Variants in MPRIP observed in about 807,000 individuals in gnomAD.
The protein encoded by MPRIP is myosin phosphatase Rho-interacting protein.
Under a neutral mutation model 234.9 loss-of-function variants are expected in MPRIP, and 59 were observed. The observed-to-expected ratio is 0.25, with a 90% CI of 0.20 to 0.31. The LOEUF (loss-of-function observed/expected upper bound fraction) is 0.31. MPRIP is among the 10% of genes least tolerant of loss of function. The pLI is 1.00. For synonymous variants in MPRIP, 1,144 were observed against 1,263.9 expected, an observed-to-expected ratio of 0.91 and a Z score of 2.01; for missense variants, 2,436 against 3,071.0, an observed-to-expected ratio of 0.79 and a Z score of 4.89.
chr17:17,050,542 T>C (rs1018960222), intron 1 of MPRIP, among the ~76,000 whole-genome samples: 1 of 152,172 alleles, frequency 6.6e-6, no homozygotes, highest in Non-Finnish European at 1.5e-5. Flanking sequence ...CAGGTGGTGG[T>C]GAGTTTCCTC....
chr17:17,066,069 CA>C (rs1366705827), intron 1 of MPRIP, among the ~76,000 whole-genome samples: 1 of 152,192 alleles, frequency 6.6e-6, no homozygotes, highest in Non-Finnish European at 1.5e-5. Flanking sequence ...TCTATACAGA[CA>C]GCTATGTCAT....
chr17:17,059,216 A>G (rs899884897), intron 1 of MPRIP, among the ~76,000 whole-genome samples: 4 of 152,270 alleles, frequency 2.6e-5, no homozygotes, highest in African/African-American at 7.2e-5. Flanking sequence ...ACGGTCTGCC[A>G]TAATGAAAGA....
chr17:17,126,935 G>T, intron 4 of MPRIP, 82 bp downstream of exon 4: 1 of 1,522,446 alleles, frequency 6.6e-7, no homozygotes, highest in African/African-American at 1.4e-5. Context: ...CCCTGTGGCA[G>T]TGTCGATGTT....
At position 17,138,692 on chromosome 17, in the gene MPRIP, T is replaced by C. The variant is rs1474422699; in HGVS notation, c.1250+263T>C. On this transcript the variant is annotated intron_variant, in intron 7 of 23. Coordinates refer to ENST00000651222, the MANE Select transcript of MPRIP (RefSeq NM_001364716.4). This position sits in a 1 kb window ranked among gnomAD's most constrained non-coding sequence, Gnocchi z 5.8. ...ATCAGTGCCTCCTAGGACTGGGACC[T>C]TAAGGTTCCCTGATGGGTTCTCAGC... is the stretch of plus-strand genomic sequence containing the variant. 2.0e-5 allele frequency among the ~76,000 whole-genome samples: 3 copies of C among 152,206 alleles called. No individual in the cohort carries two copies.
At chr17:17,112,719 G>T (rs1270183439) in intron 3 of MPRIP, among the ~76,000 whole-genome samples, 1 of 152,248 alleles carries the variant, frequency 6.6e-6, no homozygotes, top group Non-Finnish European at 1.5e-5. Flanking sequence ...TGAGGACAGG[G>T]CTGCAACTGG....
intron 1 of MPRIP, among the ~76,000 whole-genome samples, chr17:17,044,005 C>G (rs2088266107): frequency 6.6e-6 from 1 of 152,148 alleles, no homozygotes; most frequent in Admixed American, 6.5e-5. Flanking sequence ...AGTGAACGGG[C>G]CTGGTTGTTT....
intron 21 of MPRIP, among the ~76,000 whole-genome samples, chr17:17,177,036 C>G (rs1348612644): frequency 6.6e-6 from 1 of 152,218 alleles, no homozygotes; most frequent in African/African-American, 2.4e-5. Flanking sequence ...TGGAGATTAT[C>G]CTGCCATGTC....
chr17:17,185,361 T>A lies in MPRIP; in HGVS notation c.*467T>A. ...GCTTGGCCTGGGTCACAGCACTGACTCCTCACCCGCTAGTCTGGCTGTTAA... is the reference window on the plus strand; with the variant it reads ...GCTTGGCCTGGGTCACAGCACTGACACCTCACCCGCTAGTCTGGCTGTTAA... On this transcript the variant is annotated 3_prime_UTR_variant, in exon 24 of 24. Coordinates refer to ENST00000651222, the MANE Select transcript of MPRIP (RefSeq NM_001364716.4). 1 of 387,800 alleles carries A rather than the reference T, an allele frequency of 2.6e-6. No homozygotes were observed. Among genetic ancestry groups the A allele is most frequent in the Non-Finnish European group, 5.2e-6 (1 of 193,896 alleles). 24.0% of individuals were successfully genotyped at this position (387,800 alleles called of 1,614,324 possible). A position where few individuals can be genotyped will look rare whatever the true frequency, so the allele number is the denominator to read the frequency against.
chr17:17,049,876 C>T (rs1476897775), intron 1 of MPRIP, among the ~76,000 whole-genome samples: 1 of 152,198 alleles, frequency 6.6e-6, no homozygotes, highest in African/African-American at 2.4e-5. Flanking sequence ...TTTAAATTTT[C>T]CAGCGGCTAC....
At chr17:17,122,889 A>C (rs1367825897) in intron 3 of MPRIP, among the ~76,000 whole-genome samples, 1 of 152,152 alleles carries the variant, frequency 6.6e-6, no homozygotes, top group Non-Finnish European at 1.5e-5. Context: ...CACCCAAGAG[A>C]AATGAGAGCA....
intron 1 of MPRIP, among the ~76,000 whole-genome samples, chr17:17,061,867 CTGCTT>C (rs2088877442): frequency 6.6e-6 from 1 of 152,144 alleles, no homozygotes; most frequent in Admixed American, 6.5e-5. Flanking sequence ...CCCGTGAACA[CTGCTT>C]TGGTTTGAGT....
chr17:17,087,688 C>T (rs572648804), intron 3 of MPRIP, among the ~76,000 whole-genome samples: 11 of 152,362 alleles, frequency 7.2e-5, no homozygotes, highest in South Asian at 2.1e-4. Context: ...GGACGGTGAG[C>T]GCCTCTAGGC....
chr17:17,072,011 G>A (rs1374200674), intron 1 of MPRIP, among the ~76,000 whole-genome samples: 3 of 152,110 alleles, frequency 2.0e-5, no homozygotes. Flanking sequence ...CTGCCTTTTG[G>A]GCTGTCTGTT....
At chr17:17,091,681 G>A (rs34001712) in intron 3 of MPRIP, among the ~76,000 whole-genome samples, 78,400 of 152,052 alleles carry the variant, frequency 0.52, 24,099 homozygotes, top group East Asian at 0.7. Context: ...GCTTAAAGAG[G>A]CAGGGTTGGT....
chr17:17,138,137 C>G lies in MPRIP; in HGVS notation c.958C>G (p.Arg320Gly). Residue 320 changes from arginine (R) to glycine (G), a missense_variant, in exon 7 of 24, where the codon CGA (arginine) becomes GGA (glycine). Around this residue, in one of 4 missense-constraint regions of MPRIP, gnomAD observed 267 missense variants for 252.7 expected, o/e 1.06. Transcript: ENST00000651222. The surrounding 1 kb of genome is among the most constrained non-coding windows in gnomAD (Gnocchi z 5.8). Reference protein sequence around the residue: ...LGGPLPSPGPRLPHQMVCSIS... With the variant: ...LGGPLPSPGPGLPHQMVCSIS... ...TGGTCCTCTTCCTTCCCCAGGTCCT[C>G]GACTCCCCCACCAAATGGTCTGCAG... is the stretch of plus-strand genomic sequence containing the variant. 7 of 1,415,354 alleles carry G rather than the reference C, an allele frequency of 4.9e-6. No homozygotes were observed. Among genetic ancestry groups the G allele is most frequent in the Non-Finnish European group, 6.7e-6 (7 of 1,043,070 alleles). The allele number at this position is 1,415,354 out of a possible 1,614,324, so 87.7% of individuals were successfully genotyped here.
At chr17:17,119,471 C>T (rs1396722258) in intron 3 of MPRIP, among the ~76,000 whole-genome samples, 1 of 152,224 alleles carries the variant, frequency 6.6e-6, no homozygotes, top group East Asian at 1.9e-4. Flanking sequence ...GCAAGGGTGC[C>T]AGTCAGAGAG....
At chr17:17,168,399 G>A (rs2046053008) in intron 16 of MPRIP, 1 of 255,664 alleles carries the variant, frequency 3.9e-6, no homozygotes, top group South Asian at 4.5e-5. Flanking sequence ...ATTGCCCTAG[G>A]AGAGCACAGT....
chr17:17,168,515 C>T lies in MPRIP; in HGVS notation c.6324+600C>T, dbSNP rs572343771. 86 of 313,082 alleles carry T rather than the reference C, an allele frequency of 2.7e-4. 1 individual carries two copies. The Middle Eastern group carries it at 3.5e-3, about 13-fold the overall frequency. 19.4% of individuals were successfully genotyped at this position (313,082 alleles called of 1,614,324 possible). On this transcript the variant is annotated intron_variant, in intron 16 of 23. Transcript: ENST00000651222. Reference sequence around the variant, plus strand: ...GCCACTCCTGTCCCCTTCCCCAGGACCTTTACAAGTAGATTTTCCCCAGAA... The same window carrying T: ...GCCACTCCTGTCCCCTTCCCCAGGATCTTTACAAGTAGATTTTCCCCAGAA...
chr17:17,142,418 A>C, intron 7 of MPRIP: 3 of 543,918 alleles, frequency 5.5e-6, no homozygotes, highest in East Asian at 3.3e-5. Flanking sequence ...GGCAGAGGGT[A>C]GGGGCAAGCG....
Sources: gnomAD v4.1 joint callset for allele counts (sites outside exome capture counted in the v4.1 genomes callset) on GRCh38, gnomAD v4.1.1 for gene constraint, gnomAD v4.1.1 regional missense constraint, Gnocchi (gnomAD v3.1) non-coding constraint, MANE v1.5 for transcripts, NCBI Gene and HGNC (gene_info 2026-07-23, HGNC 2026-07-21) for gene names.